Variants in DMTN observed in about 807,000 individuals in gnomAD.
DMTN encodes the protein dematin actin binding protein, also known as dematin.
In DMTN, 27 loss-of-function variants were observed where a neutral mutation model predicts 59.4. The observed-to-expected ratio is 0.45, with a 90% CI of 0.33 to 0.63. The LOEUF is 0.63. Among genes scored for constraint, DMTN ranks in the 20% least tolerant of loss-of-function variants. The pLI is 0.02. For missense variants in DMTN, 451 were observed against 528.9 expected (o/e 0.85, Z 1.45); for synonymous variants, 221 against 203.7 (o/e 1.08, Z -0.72).
intron 9 of DMTN, 24 bp from the exon 10 acceptor site, chr8:22,073,706 C>T (rs1336756086): frequency 1.3e-6 from 2 of 1,521,948 alleles, no homozygotes; most frequent in African/African-American, 1.4e-5. Flanking sequence ...AGTCTTGGCT[C>T]CATCTTCCTT....
chr8:22,077,587 G>T (rs568434267), intron 10 of DMTN, among the ~76,000 whole-genome samples: 1 of 152,192 alleles, frequency 6.6e-6, no homozygotes, highest in African/African-American at 2.4e-5. Context: ...TGGATTCAGT[G>T]TCAGTGTTCT....
Position 22,081,101 on chromosome 8 carries a change from C to G in DMTN, c.1024-12C>G, listed in dbSNP as rs765831963. On this transcript the variant is annotated splice_polypyrimidine_tract_variant and intron_variant, in intron 14 of 15. Coordinates refer to ENST00000358242, the MANE Select transcript of DMTN (RefSeq NM_001387751.1). ...TCTGTGAGCCTAAGATTGCCCCTCCCCCCACCCCCAGATCTATCCCTATGA... is the reference window on the plus strand; with the variant it reads ...TCTGTGAGCCTAAGATTGCCCCTCCGCCCACCCCCAGATCTATCCCTATGA... The G allele has an allele frequency of 2.7e-6, 2 of 751,314 alleles. No homozygotes were observed. Among genetic ancestry groups the G allele is most frequent in the Admixed American group, 1.9e-5 (1 of 51,880 alleles). 46.5% of individuals were successfully genotyped at this position (751,314 alleles called of 1,614,324 possible).
chr8:22,078,205 A>T (rs1270768635), intron 10 of DMTN, among the ~76,000 whole-genome samples: 1 of 151,760 alleles, frequency 6.6e-6, no homozygotes, highest in African/African-American at 2.4e-5. Flanking sequence ...TCTCTAACAA[A>T]AATACAAAAA....
chr8:22,077,702 G>C (rs1332813525), intron 10 of DMTN, among the ~76,000 whole-genome samples: 2 of 152,084 alleles, frequency 1.3e-5, no homozygotes, highest in Non-Finnish European at 2.9e-5. Flanking sequence ...TGGCGTCCCT[G>C]AACTTGTGGG....
chr8:22,049,848 C>T (rs768700558), upstream of DMTN, among the ~76,000 whole-genome samples: 7 of 152,180 alleles, frequency 4.6e-5, no homozygotes, highest in Non-Finnish European at 1.0e-4. Flanking sequence ...CATCCCTTCT[C>T]CTCTCTGCTC....
intron 1 of DMTN, chr8:22,059,268 GA>G (rs1804555104): frequency 1.3e-5 from 2 of 152,352 alleles, no homozygotes; most frequent in Non-Finnish European, 1.5e-5. Flanking sequence ...GTCGCACTGT[GA>G]ACAGAACAGG....
upstream of DMTN, among the ~76,000 whole-genome samples, chr8:22,056,565 G>C (rs187133377): frequency 6.6e-6 from 1 of 152,226 alleles, no homozygotes; most frequent in East Asian, 1.9e-4. Context: ...GGTGCGTGTG[G>C]GTGTGTGTGT....
chr8:22,050,764 T>TCTGGGTCC (rs559247421), upstream of DMTN, among the ~76,000 whole-genome samples: 2,503 of 152,092 alleles, frequency 0.016, 20 homozygotes, highest in Non-Finnish European at 0.018. Flanking sequence ...TCTCTGGGTC[T>TCTGGGTCC]CTGGGTCCCT....
At chr8:22,075,658 A>G (rs926803948) in intron 10 of DMTN, among the ~76,000 whole-genome samples, 1 of 151,722 alleles carries the variant, frequency 6.6e-6, no homozygotes, top group African/African-American at 2.4e-5. Context: ...ACCTGGGACT[A>G]CAGGCACACA....
At chr8:22,056,258 A>G (rs1295873840), upstream of DMTN, among the ~76,000 whole-genome samples, 1 of 152,140 alleles carries the variant, frequency 6.6e-6, no homozygotes, top group Non-Finnish European at 1.5e-5. Flanking sequence ...CTGAGGGGCC[A>G]GCTCAAGTCT....
chr8:22,056,306 C>T (rs1298053171), upstream of DMTN, among the ~76,000 whole-genome samples: 1 of 152,182 alleles, frequency 6.6e-6, no homozygotes, highest in East Asian at 1.9e-4. Flanking sequence ...CCATTCTACC[C>T]TCCCAGGAGA....
chr8:22,050,564 A>G (rs1801245787), upstream of DMTN, among the ~76,000 whole-genome samples: 2 of 142,914 alleles, frequency 1.4e-5, no homozygotes, highest in African/African-American at 2.7e-5. Context: ...CCCGGTACCG[A>G]CAGGCCTCTG....
Position 22,060,181 on chromosome 8 carries a change from C to T in DMTN, c.-172+3045C>T, listed in dbSNP as rs80105904. Among the ~76,000 whole-genome samples the T allele has an allele frequency of 0.021, 3,207 of 152,182 alleles. 106 individuals carry two copies. The highest frequency in any genetic ancestry group is 0.075 in the African/African-American group (3,098 of 41,472). ...TCCCTCCCCTCTTCCTGCTGCAGCT[C>T]GCCCTTTCTATCTCTTTGTGCACGG... On this transcript the variant is annotated intron_variant, in intron 1 of 15. Transcript: ENST00000358242. This position sits in a 1 kb window ranked among gnomAD's most constrained non-coding sequence, Gnocchi z 5.0.
chr8:22,075,304 T>C (rs1818878562), intron 10 of DMTN, among the ~76,000 whole-genome samples: 1 of 150,728 alleles, frequency 6.6e-6, no homozygotes, highest in Non-Finnish European at 1.5e-5. Flanking sequence ...TAGACCCTCC[T>C]CCTCCCCCTC....
At chr8:22,061,104 T>C (rs1805993088) in intron 1 of DMTN, among the ~76,000 whole-genome samples, 1 of 150,184 alleles carries the variant, frequency 6.7e-6, no homozygotes. Flanking sequence ...AGACCCCATC[T>C]TTACAAAAAA....
At chr8:22,059,747 A>T (rs1364692234) in intron 1 of DMTN, among the ~76,000 whole-genome samples, 5 of 152,228 alleles carry the variant, frequency 3.3e-5, no homozygotes, top group Non-Finnish European at 2.9e-5. Flanking sequence ...GCTGCCACCA[A>T]GCAGGTAGTG....
At chr8:22,061,808 C>A (rs182092685) in intron 1 of DMTN, among the ~76,000 whole-genome samples, 1 of 144,210 alleles carries the variant, frequency 6.9e-6, no homozygotes, top group African/African-American at 2.6e-5. Context: ...GGCTGGAGTG[C>A]AGTGGTGTAA....
intron 1 of DMTN, among the ~76,000 whole-genome samples, chr8:22,062,536 C>T (rs775103474): frequency 7.9e-5 from 12 of 152,114 alleles, no homozygotes; most frequent in Non-Finnish European, 1.5e-4. Context: ...TCCTGTCTAC[C>T]GTTCTCTCTC....
intron 4 of DMTN, among the ~76,000 whole-genome samples, chr8:22,068,671 GAA>G (rs1812728525): frequency 6.6e-6 from 1 of 151,378 alleles, no homozygotes; most frequent in Admixed American, 6.6e-5. Flanking sequence ...GGCAGGGAAA[GAA>G]AGAAAAAGGA....
Sources: allele counts gnomAD v4.1 joint callset (sites outside exome capture counted in the v4.1 genomes callset), GRCh38; gene constraint gnomAD v4.1.1; non-coding constraint Gnocchi (gnomAD v3.1); transcripts MANE v1.5; gene names NCBI Gene and HGNC (gene_info 2026-07-23, HGNC 2026-07-21).